NCALD: variants seen among roughly 807,000 people sequenced by gnomAD.
NCALD encodes neurocalcin-delta.
In NCALD, 10 loss-of-function variants were observed where a neutral mutation model predicts 18.6. The ratio of observed to expected loss-of-function variants is 0.54; its 90% CI spans 0.33 to 0.91. NCALD has a LOEUF of 0.91. Among genes scored for constraint, NCALD ranks in the 40% least tolerant of loss-of-function variants. The pLI is 0.03. For missense variants in NCALD, 184 were observed against 247.6 expected, an observed-to-expected ratio of 0.74 and a Z score of 1.72; for synonymous variants, 88 against 87.4, an observed-to-expected ratio of 1.01 and a Z score of -0.04.
intron 2 of NCALD, among the ~76,000 whole-genome samples, chr8:102,002,491 A>G (rs1200291085): frequency 6.6e-6 from 1 of 152,218 alleles, no homozygotes; most frequent in Non-Finnish European, 1.5e-5. Context: ...TAACAAGGAT[A>G]TCCAGGAATT....
At chr8:102,082,224 C>CTTTTTTTTTTTTTTTTTT (rs1362023921) in intron 1 of NCALD, among the ~76,000 whole-genome samples, 3 of 109,484 alleles carry the variant, frequency 2.7e-5, no homozygotes, top group African/African-American at 1.1e-4. Context: ...GAGAAGCTCT[C>CTTTTTTTTTTTTTTTTTT]TCTTTTTTTT....
chr8:101,746,113 A>C (rs1810415414), intron 1 of NCALD: 2 of 152,250 alleles, frequency 1.3e-5, no homozygotes, highest in South Asian at 4.1e-4. Context: ...ACCGCATGTT[A>C]CAGATTAAAA....
At chr8:101,739,882 A>G (rs957613902) in intron 1 of NCALD, among the ~76,000 whole-genome samples, 2 of 152,036 alleles carry the variant, frequency 1.3e-5, no homozygotes, top group African/African-American at 2.4e-5. Flanking sequence ...TCCCCTTCAT[A>G]TATGCATCTA....
chr8:101,701,456 G>A (rs1158159957), intron 2 of NCALD, among the ~76,000 whole-genome samples: 2 of 152,216 alleles, frequency 1.3e-5, no homozygotes, highest in Admixed American at 6.5e-5. Context: ...GGGACACCCA[G>A]GAGCCCAGCC....
intron 2 of NCALD, among the ~76,000 whole-genome samples, chr8:101,938,986 T>A (rs552802142): frequency 6.6e-6 from 1 of 152,358 alleles, no homozygotes; most frequent in African/African-American, 2.4e-5. Context: ...AAGTCTGAGA[T>A]CTATCAGTGC....
At chr8:101,713,066 T>A (rs1238241202) in intron 2 of NCALD, among the ~76,000 whole-genome samples, 2 of 151,992 alleles carry the variant, frequency 1.3e-5, no homozygotes, top group Non-Finnish European at 2.9e-5. Flanking sequence ...ATGGAAATCA[T>A]AACAAACAGT....
intron 2 of NCALD, among the ~76,000 whole-genome samples, chr8:102,005,019 A>G (rs1302755445): frequency 2.6e-5 from 4 of 152,238 alleles, no homozygotes; most frequent in African/African-American, 9.6e-5. Flanking sequence ...CAAAAGCCAA[A>G]ATTGACAAAT....
intron 1 of NCALD, among the ~76,000 whole-genome samples, chr8:101,751,023 A>C (rs939327869): frequency 5.9e-5 from 9 of 152,224 alleles, no homozygotes; most frequent in African/African-American, 1.9e-4. Context: ...AAGTGCAGAA[A>C]TGACCAGTGT....
At chr8:101,710,279 G>A (rs1235259510) in intron 2 of NCALD, among the ~76,000 whole-genome samples, 1 of 152,222 alleles carries the variant, frequency 6.6e-6, no homozygotes, top group Non-Finnish European at 1.5e-5. Flanking sequence ...CAGACTGGGA[G>A]ATTCCTTCAG....
At chr8:102,050,909 T>A (rs1488428689) in intron 1 of NCALD, among the ~76,000 whole-genome samples, 1 of 147,174 alleles carries the variant, frequency 6.8e-6, no homozygotes, top group Non-Finnish European at 1.5e-5. Context: ...TAATTTTATA[T>A]ATAAGTATAT....
intron 1 of NCALD, among the ~76,000 whole-genome samples, chr8:102,086,761 C>T (rs1422596730): frequency 6.6e-6 from 1 of 152,234 alleles, no homozygotes; most frequent in Non-Finnish European, 1.5e-5. Context: ...AGGCTGCATT[C>T]CCAGACTGTT....
intron 2 of NCALD, among the ~76,000 whole-genome samples, chr8:101,945,239 C>G (rs767896404): frequency 1.3e-5 from 2 of 152,174 alleles, no homozygotes; most frequent in Non-Finnish European, 2.9e-5. Flanking sequence ...TATTGAGCCT[C>G]TACTATGTGC....
chr8:101,785,243 C>G (rs530486836), intron 1 of NCALD, among the ~76,000 whole-genome samples: 1 of 152,300 alleles, frequency 6.6e-6, no homozygotes, highest in African/African-American at 2.4e-5. Flanking sequence ...TAATACTCTT[C>G]CAATTCTGAC....
Position 101,812,245 on chromosome 8 carries a change from TATCACCAAAGCAGTCTATGAATCAAGCTC to T in NCALD, c.-20+74867_-20+74895del, listed in dbSNP as rs1256015074. Among the ~76,000 whole-genome samples, 220 of 152,282 alleles carry T rather than the reference TATCACCAAAGCAGTCTATGAATCAAGCTC, an allele frequency of 1.4e-3. 1 individual carries two copies. Among genetic ancestry groups the T allele is most frequent in the African/African-American group, 5.1e-3 (212 of 41,566 alleles). Reference sequence around the variant, plus strand: ...GGGATAAAATCCAGCCCCTTATTACTATCACCAAAGCAGTCTATGAATCAAGCTCATCACCAAAGCAGTCTATGAATCAA... The same window carrying T: ...GGGATAAAATCCAGCCCCTTATTACTATCACCAAAGCAGTCTATGAATCAA... On this transcript the variant is annotated intron_variant, in intron 4 of 6. Transcript: ENST00000311028.
intron 1 of NCALD, among the ~76,000 whole-genome samples, chr8:101,775,600 C>G (rs150248390): frequency 4.9e-4 from 75 of 152,310 alleles, no homozygotes; most frequent in Middle Eastern, 3.4e-3. Flanking sequence ...TACCTCTCCC[C>G]TCAGGCTTCT....
chr8:101,798,062 A>G (rs1425570031), intron 4 of NCALD, among the ~76,000 whole-genome samples: 1 of 152,212 alleles, frequency 6.6e-6, no homozygotes, highest in Non-Finnish European at 1.5e-5. Context: ...TTTATACTTA[A>G]TAGTGAGAGT....
intron 2 of NCALD, among the ~76,000 whole-genome samples, chr8:101,694,683 G>A (rs1814901866): frequency 6.6e-6 from 1 of 152,112 alleles, no homozygotes; most frequent in Non-Finnish European, 1.5e-5. Flanking sequence ...AGTGTGCTCT[G>A]GAGACAAGAG....
At chr8:101,740,207 A>G (rs1563718091) in intron 1 of NCALD, among the ~76,000 whole-genome samples, 1 of 152,140 alleles carries the variant, frequency 6.6e-6, no homozygotes, top group Non-Finnish European at 1.5e-5. Context: ...TTAAACACTC[A>G]CTGTTACCAC....
At chr8:101,776,369 T>C (rs1399323801) in intron 1 of NCALD, among the ~76,000 whole-genome samples, 5 of 152,210 alleles carry the variant, frequency 3.3e-5, no homozygotes, top group Non-Finnish European at 5.9e-5. Flanking sequence ...AGGTACCTGC[T>C]TTGTGAATAG....
Sources: allele counts gnomAD v4.1 joint callset (sites outside exome capture counted in the v4.1 genomes callset), GRCh38; gene constraint gnomAD v4.1.1; transcripts MANE v1.5; gene names NCBI Gene and HGNC (gene_info 2026-07-23, HGNC 2026-07-21).